The following ATXN7 variants were observed in gnomAD, a reference collection of about 807,000 sequenced individuals.
ATXN7 encodes the protein ataxin-7.
A neutral mutation model predicts 70.5 loss-of-function variants in ATXN7; 12 were observed. That is an observed-to-expected ratio of 0.17 (90% confidence interval 0.11 to 0.28). The LOEUF (loss-of-function observed/expected upper bound fraction) is 0.28, where lower values mean the gene tolerates loss of function less well. Among genes scored for constraint, ATXN7 ranks in the 10% least tolerant of loss-of-function variants. ATXN7 has a pLI of 1.00. For synonymous variants in ATXN7, 498 were observed against 448.7 expected, an observed-to-expected ratio of 1.11 and a Z score of -1.39; for missense variants, 1,256 against 1,131.7, an observed-to-expected ratio of 1.11 and a Z score of -1.58.
intron 2 of ATXN7, among the ~76,000 whole-genome samples, chr3:63,902,621 T>G (rs767280146): frequency 2.0e-5 from 3 of 152,118 alleles, no homozygotes; most frequent in African/African-American, 7.2e-5. Context: ...TTGAAAGATA[T>G]TGACTGGCTA....
intron 11 of ATXN7, among the ~76,000 whole-genome samples, chr3:63,994,077 G>A (rs1337426270): frequency 1.3e-5 from 2 of 152,274 alleles, no homozygotes; most frequent in South Asian, 2.1e-4. Context: ...ATTTAGAAAT[G>A]ACTGATGTCT....
chr3:63,975,457 A>G (rs965308261), intron 5 of ATXN7, among the ~76,000 whole-genome samples: 2 of 152,208 alleles, frequency 1.3e-5, no homozygotes, highest in African/African-American at 2.4e-5. Context: ...AAAGCTTGAC[A>G]TATATCCTTC....
intron 1 of ATXN7, among the ~76,000 whole-genome samples, chr3:63,867,652 C>T (rs1346653263): frequency 1.3e-5 from 2 of 149,854 alleles, no homozygotes; most frequent in East Asian, 3.9e-4. Flanking sequence ...TTGAGGTAGG[C>T]CGAGGCGGGT....
Position 63,952,465 on chromosome 3 carries a change from G to A in ATXN7, c.481G>A (p.Ala161Thr). The A allele has an allele frequency of 6.2e-7, 1 of 1,610,330 alleles. No individual in the cohort carries two copies. The highest frequency in any genetic ancestry group is 1.3e-5 in the African/African-American group (1 of 74,868). ...CTGTAATCAGGTTGTCAAACCGCAG[G>A]CATTTCAATCACATTATGGTAAGTG... ...NDCNQVVKPQ[A>T]FQSHYERRHS... is the part of the protein sequence containing the mutation. Residue 161 changes from alanine (A) to threonine (T), a missense_variant, in exon 5 of 13, where the codon GCA becomes ACA. Transcript: ENST00000674280.
chr3:63,903,116 C>T (rs757131522), intron 2 of ATXN7, among the ~76,000 whole-genome samples: 13 of 151,958 alleles, frequency 8.6e-5, no homozygotes, highest in African/African-American at 1.9e-4. Context: ...ACATGTGGGC[C>T]GGGCACGGTG....
At chr3:63,874,773 A>G (rs1702700756) in intron 1 of ATXN7, among the ~76,000 whole-genome samples, 1 of 152,160 alleles carries the variant, frequency 6.6e-6, no homozygotes, top group Non-Finnish European at 1.5e-5. Flanking sequence ...CATTTGAGTA[A>G]TGTTCCCTAA....
intron 4 of ATXN7, among the ~76,000 whole-genome samples, chr3:63,914,711 T>G (rs1704190818): frequency 6.6e-6 from 1 of 152,214 alleles, no homozygotes; most frequent in Non-Finnish European, 1.5e-5. Context: ...TATCAATAAT[T>G]CTGCTGTAAA....
intron 1 of ATXN7, among the ~76,000 whole-genome samples, chr3:63,869,027 CAAAAG>C (rs909407684): frequency 6.6e-6 from 1 of 152,124 alleles, no homozygotes; most frequent in Non-Finnish European, 1.5e-5. Context: ...CATTATGAGT[CAAAAG>C]AAAGTGTGAG....
chr3:63,946,644 A>G lies in ATXN7; in HGVS notation c.395-5735A>G, dbSNP rs1047499009. On this transcript the variant is annotated intron_variant, in intron 4 of 12. Transcript: ENST00000674280. ...GGCGACAGAGCGAGACTCTGTCTCAAAAAAAAAAAAAAAAAGGAATTTTAG... is the reference window on the plus strand; with the variant it reads ...GGCGACAGAGCGAGACTCTGTCTCAGAAAAAAAAAAAAAAAGGAATTTTAG... Among the ~76,000 whole-genome samples, 6 of 129,860 alleles carry G rather than the reference A, an allele frequency of 4.6e-5. No individual in the cohort carries two copies. The East Asian group carries it at 9.8e-4, about 21-fold the overall frequency. 85.2% of individuals were successfully genotyped at this position (129,860 alleles called of 152,430 possible).
intron 5 of ATXN7, among the ~76,000 whole-genome samples, chr3:63,974,972 G>A (rs895196816): frequency 4.6e-5 from 7 of 152,166 alleles, no homozygotes; most frequent in Non-Finnish European, 8.8e-5. Context: ...TGAGGTAGAT[G>A]GTAGAAGTTT....
chr3:63,974,080 C>T (rs912106486), intron 5 of ATXN7, among the ~76,000 whole-genome samples: 4 of 152,046 alleles, frequency 2.6e-5, no homozygotes, highest in African/African-American at 7.2e-5. Flanking sequence ...GGTGGGGTTT[C>T]GTCGGAGACC....
chr3:63,885,878 A>G (rs1703071353), intron 1 of ATXN7, among the ~76,000 whole-genome samples: 1 of 152,118 alleles, frequency 6.6e-6, no homozygotes, highest in Non-Finnish European at 1.5e-5. Context: ...TTAGCAGGGC[A>G]TGGTAGCATG....
chr3:63,980,009 C>T lies in ATXN7; in HGVS notation c.594C>T (p.Gly198=). 1 of 1,614,120 alleles carries T rather than the reference C, an allele frequency of 6.2e-7. No individual in the cohort carries two copies. The highest frequency in any genetic ancestry group is 8.5e-7 in the Non-Finnish European group (1 of 1,180,018). ...CTTCTCTGTCCAAAAGCAAAGGAGG[C>T]AGTGCAAGTGGAAGCAACCGTTCTT... ...FFPSLSKSKG[G]SASGSNRSSS... Residue 198 remains glycine, a synonymous_variant, in exon 6 of 13, where the codon GGC becomes GGT. Transcript: ENST00000674280.
intron 12 of ATXN7, among the ~76,000 whole-genome samples, chr3:63,997,084 C>T (rs1436583822): frequency 6.6e-6 from 1 of 152,104 alleles, no homozygotes; most frequent in African/African-American, 2.4e-5. Context: ...TGGTAAAACC[C>T]CCGTCTCTAC....
chr3:63,999,680 A>G lies in ATXN7; in HGVS notation c.*213A>G, dbSNP rs1026973650. 5 of 823,430 alleles carry G rather than the reference A, an allele frequency of 6.1e-6. No individual in the cohort carries two copies. The highest frequency in any genetic ancestry group is 9.9e-6 in the Non-Finnish European group (5 of 503,682). 51.0% of individuals were successfully genotyped at this position (823,430 alleles called of 1,614,324 possible). A position where few individuals can be genotyped will look rare whatever the true frequency, so the allele number is the denominator to read the frequency against. On this transcript the variant is annotated 3_prime_UTR_variant, in exon 13 of 13. Coordinates refer to ENST00000674280, the MANE Select transcript of ATXN7 (RefSeq NM_001377405.1). ...AGTACTCATAAAGGACACTGGATCAAGTTCAGCCACCGAATTGCTTTTATC... is the reference window on the plus strand; with the variant it reads ...AGTACTCATAAAGGACACTGGATCAGGTTCAGCCACCGAATTGCTTTTATC...
At position 63,979,922 on chromosome 3, in the gene ATXN7, A is replaced by G; in HGVS notation, c.507A>G (p.Arg169=). The change falls in exon 6 of 13, where the codon AGA becomes AGG. Residue 169 remains arginine, a synonymous_variant. Transcript: ENST00000674280. The part of the protein sequence containing the change: ...PQAFQSHYER[R]HSSSSKPPLA... ...CTTTGCTTTCGTTTTCAGAAAGAAG[A>G]CATAGCTCATCCAGCAAGCCGCCTT... The G allele has an allele frequency of 6.2e-7, 1 of 1,614,184 alleles. No homozygotes were observed. The highest frequency in any genetic ancestry group is 1.1e-5 in the South Asian group (1 of 91,082).
At chr3:63,970,197 T>C (rs2075287925) in intron 5 of ATXN7, among the ~76,000 whole-genome samples, 1 of 152,220 alleles carries the variant, frequency 6.6e-6, no homozygotes, top group Non-Finnish European at 1.5e-5. Flanking sequence ...TGGATGGTTG[T>C]GTTAACACTC....
chr3:63,990,620 C>A, intron 10 of ATXN7, 118 bp from the exon 11 acceptor site: 1 of 1,464,312 alleles, frequency 6.8e-7, no homozygotes. Flanking sequence ...TCACAGCCTC[C>A]GGTACTCAGA....
chr3:63,926,732 C>T (rs766486882), intron 4 of ATXN7, among the ~76,000 whole-genome samples: 2 of 152,138 alleles, frequency 1.3e-5, no homozygotes, highest in Non-Finnish European at 2.9e-5. Context: ...CACACCTCTT[C>T]CCTGATGGTT....
Sources: gnomAD v4.1 joint callset for allele counts (sites outside exome capture counted in the v4.1 genomes callset) on GRCh38, gnomAD v4.1.1 for gene constraint, MANE v1.5 for transcripts, NCBI Gene and HGNC (gene_info 2026-07-23, HGNC 2026-07-21) for gene names.